PDE1A: variants seen among roughly 807,000 people sequenced by gnomAD.
PDE1A encodes the protein dual specificity calcium/calmodulin-dependent 3',5'-cyclic nucleotide phosphodiesterase 1A.
PDE1A carries 35 observed loss-of-function variants against 61.7 expected under a neutral mutation model. The ratio of observed to expected loss-of-function variants is 0.57; its 90% CI spans 0.43 to 0.75. PDE1A has a LOEUF of 0.75. Among genes scored for constraint, PDE1A ranks in the 30% least tolerant of loss-of-function variants. The pLI, the probability that PDE1A is intolerant of heterozygous loss-of-function variation, is 0.00. For missense variants in PDE1A, 597 were observed against 630.6 expected (o/e 0.95, Z 0.57); for synonymous variants, 232 against 213.2 (o/e 1.09, Z -0.77).
downstream of PDE1A, chr2:182,167,788 T>A (rs554773352): frequency 1.8e-4 from 83 of 466,050 alleles, no homozygotes; most frequent in African/African-American, 1.7e-3. Context: ...TTCAAAGATA[T>A]CTATCCCTTA....
intron 2 of PDE1A, among the ~76,000 whole-genome samples, chr2:182,434,472 A>G (rs996428878): frequency 6.6e-6 from 1 of 152,088 alleles, no homozygotes; most frequent in African/African-American, 2.4e-5. Context: ...CCTCTGGTTT[A>G]GTGAGGGCCT....
Position 182,257,775 on chromosome 2 carries a change from T to C in PDE1A, c.167+6526A>G, listed in dbSNP as rs912550914. On this transcript the variant is annotated intron_variant, in intron 2 of 13. Coordinates refer to ENST00000351439, the Ensembl canonical transcript of PDE1A. ...GCAAGACATGTCAAAAGGACTTCTG[T>C]AGTGGAAGGTCTCTGTGACATGGGC... is the stretch of plus-strand genomic sequence containing the variant. 1.3e-5 allele frequency among the ~76,000 whole-genome samples: 2 copies of C among 152,168 alleles called. 1 individual carries two copies. The highest frequency in any genetic ancestry group is 4.1e-4 in the South Asian group (2 of 4,830).
chr2:182,661,757 T>C, the PDE1A span, among the ~76,000 whole-genome samples: 2 of 152,166 alleles, frequency 1.3e-5, no homozygotes, highest in South Asian at 4.2e-4. Context: ...AAACTAGCAA[T>C]AAATAGCTGT....
chr2:182,578,425 T>A, the PDE1A span, among the ~76,000 whole-genome samples: 1 of 152,214 alleles, frequency 6.6e-6, no homozygotes. Context: ...GGCAATATTT[T>A]ATGATTTCAA....
chr2:182,606,425 G>T, the PDE1A span, among the ~76,000 whole-genome samples: 2 of 152,198 alleles, frequency 1.3e-5, no homozygotes, highest in Middle Eastern at 3.4e-3. Context: ...TAATCCACCC[G>T]CCCTGGCCTC....
chr2:182,557,943 T>C, the PDE1A span, among the ~76,000 whole-genome samples: 2 of 152,116 alleles, frequency 1.3e-5, no homozygotes, highest in Non-Finnish European at 2.9e-5. Context: ...TTAACTGCCA[T>C]AGCCACAAAA....
chr2:182,252,191 G>A (rs944364448), intron 2 of PDE1A, among the ~76,000 whole-genome samples: 10 of 152,208 alleles, frequency 6.6e-5, no homozygotes, highest in Non-Finnish European at 8.8e-5. Context: ...CACTAGTTAG[G>A]TATTAGCCCA....
intron 7 of PDE1A, among the ~76,000 whole-genome samples, chr2:182,222,869 C>T (rs966376847): frequency 6.6e-6 from 1 of 152,002 alleles, no homozygotes. Context: ...CAGGATCCCA[C>T]ACATGTAAAG....
intron 7 of PDE1A, among the ~76,000 whole-genome samples, chr2:182,214,085 C>A (rs1383984954): frequency 7.6e-4 from 114 of 149,650 alleles, no homozygotes; most frequent in African/African-American, 2.8e-3. Context: ...AGAAACCCTA[C>A]AAGCCAGAAG....
intron 13 of PDE1A, among the ~76,000 whole-genome samples, chr2:182,171,472 T>C (rs549620345): frequency 5.2e-4 from 79 of 151,722 alleles, no homozygotes; most frequent in Non-Finnish European, 8.4e-4. Context: ...AAATTGGGAG[T>C]ATTTTAGAAG....
At chr2:182,672,248 A>C in the PDE1A span, among the ~76,000 whole-genome samples, 1 of 152,210 alleles carries the variant, frequency 6.6e-6, no homozygotes, top group Admixed American at 6.5e-5. Context: ...ACATTAAAAT[A>C]TTACTATCAA....
chr2:182,168,646 T>C (rs371738636), intron 13 of PDE1A, among the ~76,000 whole-genome samples: 1 of 152,236 alleles, frequency 6.6e-6, no homozygotes, highest in African/African-American at 2.4e-5. Context: ...AGAGATTATC[T>C]TGAAACCTAT....
At chr2:182,405,583 C>A (rs1702253578) in intron 1 of PDE1A, among the ~76,000 whole-genome samples, 1 of 152,116 alleles carries the variant, frequency 6.6e-6, no homozygotes, top group South Asian at 2.1e-4. Context: ...CTACACTCAC[C>A]AAATCCTTGT....
chr2:182,172,886 C>T lies in PDE1A; in HGVS notation c.1517-4596G>A, dbSNP rs16822795. 7.1e-3 allele frequency among the ~76,000 whole-genome samples: 1,082 copies of T among 152,030 alleles called. 6 individuals carry two copies. Among genetic ancestry groups the T allele is most frequent in the Non-Finnish European group, 0.011 (746 of 67,930 alleles). ...AGACTTCGAGTTGTGTGAAGAGTAA[C>T]CTTAAGTTCCAGGACCAGTCATGAC... On this transcript the variant is annotated intron_variant, in intron 13 of 13. Transcript: ENST00000351439.
chr2:182,207,124 A>T (rs1231708853), intron 7 of PDE1A, among the ~76,000 whole-genome samples: 2 of 152,184 alleles, frequency 1.3e-5, no homozygotes, highest in Non-Finnish European at 2.9e-5. Flanking sequence ...TAATGGGCAG[A>T]GGTTGAAACA....
At chr2:182,348,071 C>G (rs1698626816) in intron 1 of PDE1A, among the ~76,000 whole-genome samples, 1 of 152,176 alleles carries the variant, frequency 6.6e-6, no homozygotes, top group South Asian at 2.1e-4. Flanking sequence ...CTCACCCATA[C>G]TATGCTGATG....
intron 1 of PDE1A, among the ~76,000 whole-genome samples, chr2:182,332,513 T>A (rs1252269122): frequency 6.6e-6 from 1 of 152,190 alleles, no homozygotes; most frequent in Non-Finnish European, 1.5e-5. Flanking sequence ...GTCTTTGATG[T>A]TTGTGACCTT....
chr2:182,205,647 T>C (rs1290293036), intron 8 of PDE1A, among the ~76,000 whole-genome samples: 1 of 152,210 alleles, frequency 6.6e-6, no homozygotes, highest in Non-Finnish European at 1.5e-5. Flanking sequence ...TGAGCAGAGC[T>C]CCATTCCAGA....
At chr2:182,532,183 G>C in the PDE1A span, among the ~76,000 whole-genome samples, 1 of 152,036 alleles carries the variant, frequency 6.6e-6, no homozygotes, top group Non-Finnish European at 1.5e-5. Flanking sequence ...TAACGCTGTA[G>C]GATGACTATA....
Sources: gnomAD v4.1 joint callset for allele counts (sites outside exome capture counted in the v4.1 genomes callset) on GRCh38, gnomAD v4.1.1 for gene constraint, MANE v1.5 for transcripts, NCBI Gene and HGNC (gene_info 2026-07-23, HGNC 2026-07-21) for gene names.